Variants in UBE2W observed in about 807,000 individuals in gnomAD.
UBE2W encodes the protein ubiquitin conjugating enzyme E2 W, also known as ubiquitin-conjugating enzyme E2 W.
UBE2W carries 18 observed loss-of-function variants against 27.2 expected under a neutral mutation model. The observed-to-expected ratio is 0.66, with a 90% CI of 0.46 to 0.98. UBE2W has a LOEUF of 0.98. Ranked by LOEUF, UBE2W falls within the 50% of genes least tolerant of loss-of-function variation. The probability of loss-of-function intolerance (pLI) is 0.00; values close to 1 mark genes in which losing one functional copy is unlikely to be tolerated. For missense variants in UBE2W, 90 were observed against 180.2 expected, an observed-to-expected ratio of 0.50 and a Z score of 2.87; for synonymous variants, 53 against 57.2, an observed-to-expected ratio of 0.93 and a Z score of 0.33.
intron 5 of UBE2W, among the ~76,000 whole-genome samples, chr8:73,804,419 TA>T (rs1450078982): frequency 6.6e-6 from 1 of 152,078 alleles, no homozygotes; most frequent in Non-Finnish European, 1.5e-5. Flanking sequence ...TAATTTCAAA[TA>T]ACTCTTCAGG....
chr8:73,814,847 T>C (rs1809322547), intron 3 of UBE2W, among the ~76,000 whole-genome samples: 1 of 152,210 alleles, frequency 6.6e-6, no homozygotes, highest in South Asian at 2.1e-4. Context: ...TATTACTACC[T>C]TTCCAAACAT....
At chr8:73,813,083 C>CAAA (rs56094830) in intron 3 of UBE2W, among the ~76,000 whole-genome samples, 723 of 43,458 alleles carry the variant, frequency 0.017, 175 homozygotes, top group African/African-American at 0.048. Context: ...GAAAGTGCCA[C>CAAA]AAAAAAAAAA....
chr8:73,831,305 C>CT (rs1810053997), intron 1 of UBE2W: 2 of 199,664 alleles, frequency 1.0e-5, no homozygotes, highest in South Asian at 1.0e-4. Context: ...GTAAAGATTT[C>CT]TTTTTTTAAT....
chr8:73,816,121 C>G (rs2130883335), intron 3 of UBE2W, among the ~76,000 whole-genome samples: 1 of 152,328 alleles, frequency 6.6e-6, no homozygotes, highest in South Asian at 2.1e-4. Context: ...CCCTGATACT[C>G]TGTAATAACG....
chr8:73,843,304 T>C (rs1810623681), intron 1 of UBE2W, among the ~76,000 whole-genome samples: 1 of 152,128 alleles, frequency 6.6e-6, no homozygotes, highest in Admixed American at 6.6e-5. Context: ...AGTGTAGAAA[T>C]GGGACTATTT....
chr8:73,786,032 C>T (rs57470108), downstream of UBE2W, among the ~76,000 whole-genome samples: 28 of 152,292 alleles, frequency 1.8e-4, no homozygotes, highest in African/African-American at 6.5e-4. Context: ...ATCTGCCATC[C>T]TTCTTGGCAT....
At chr8:73,803,016 C>T (rs545888771) in intron 5 of UBE2W, among the ~76,000 whole-genome samples, 1 of 149,222 alleles carries the variant, frequency 6.7e-6, no homozygotes, top group Admixed American at 6.7e-5. Context: ...AGCAAGACTC[C>T]GTCTCAAAAT....
intron 1 of UBE2W, among the ~76,000 whole-genome samples, chr8:73,855,203 C>A (rs1054196239): frequency 6.6e-6 from 1 of 152,066 alleles, no homozygotes; most frequent in African/African-American, 2.4e-5. Flanking sequence ...ATGAAAAATA[C>A]ACCAGAATAG....
downstream of UBE2W, among the ~76,000 whole-genome samples, chr8:73,784,912 C>G (rs2130826963): frequency 6.6e-6 from 1 of 152,254 alleles, no homozygotes; most frequent in South Asian, 2.1e-4. Flanking sequence ...AAAAGCAACT[C>G]TTAGTTGCTG....
chr8:73,830,028 C>A (rs1184009238), intron 2 of UBE2W, among the ~76,000 whole-genome samples: 3 of 152,012 alleles, frequency 2.0e-5, no homozygotes, highest in African/African-American at 7.2e-5. Context: ...TCTTCATATG[C>A]CTAAATAGAT....
chr8:73,851,961 TTTAA>T (rs1484132062), intron 1 of UBE2W, among the ~76,000 whole-genome samples: 1 of 143,668 alleles, frequency 7.0e-6, no homozygotes, highest in African/African-American at 2.6e-5. Flanking sequence ...TTTTTTTTTT[TTTAA>T]AAAAAAAAAA....
At chr8:73,827,315 G>T (rs1353514611) in intron 2 of UBE2W, among the ~76,000 whole-genome samples, 1 of 152,132 alleles carries the variant, frequency 6.6e-6, no homozygotes. Context: ...CTGGGTTCAA[G>T]TGATTCTCCT....
intron 1 of UBE2W, among the ~76,000 whole-genome samples, chr8:73,859,406 T>A (rs558746319): frequency 2.6e-5 from 4 of 152,284 alleles, no homozygotes; most frequent in African/African-American, 9.6e-5. Flanking sequence ...CTGGGGAGGC[T>A]GAAGCAGGAG....
Position 73,861,259 on chromosome 8 carries a change from C to A in UBE2W, c.15+17549G>T, listed in dbSNP as rs572437264. ...CCATAAGGACAAGAGAGATATAAGC[C>A]CAGGGGCCAGCGTCAAACAACTTGA... On this transcript the variant is annotated intron_variant, in intron 1 of 5. Coordinates refer to ENST00000602593, the MANE Select transcript of UBE2W (RefSeq NM_018299.6). Among the ~76,000 whole-genome samples the A allele has an allele frequency of 2.6e-4, 40 of 152,114 alleles. No homozygotes were observed. The South Asian group carries it at 7.3e-3, about 28-fold the overall frequency.
chr8:73,827,235 C>T (rs1263980982), intron 2 of UBE2W, among the ~76,000 whole-genome samples: 1 of 151,704 alleles, frequency 6.6e-6, no homozygotes, highest in African/African-American at 2.4e-5. Flanking sequence ...TTTTTTGGTA[C>T]AGAGTTTTGC....
At position 73,814,767 on chromosome 8, in the gene UBE2W, G is replaced by A. The variant is rs548206218; in HGVS notation, c.211-4138C>T. ...AAACTCCTGACCTTGTGATCCGCCC[G>A]CCTCGGCTTCCCAGAGTGCTGGGAT... On this transcript the variant is annotated intron_variant, in intron 3 of 5. Coordinates refer to ENST00000602593, the MANE Select transcript of UBE2W (RefSeq NM_018299.6). Among the ~76,000 whole-genome samples, 5 of 152,274 alleles carry A rather than the reference G, an allele frequency of 3.3e-5. No individual in the cohort carries two copies. In the South Asian group the frequency reaches 6.2e-4, roughly 19 times the overall value.
chr8:73,834,617 C>G (rs946282402), intron 1 of UBE2W, among the ~76,000 whole-genome samples: 4 of 151,946 alleles, frequency 2.6e-5, no homozygotes, highest in African/African-American at 9.7e-5. Context: ...TCTCTAATAA[C>G]ATTAAACAAG....
rs181780382 is a variant in UBE2W at position 73,874,203 on chromosome 8, G to A, written c.15+4605C>T. On this transcript the variant is annotated intron_variant, in intron 1 of 5. Transcript: ENST00000602593. ...TCCCAGCACTTTGGGAGGCCGAGGC[G>A]GGCGGATCACGAGGTCAGGAGATGG... 7.8e-4 allele frequency among the ~76,000 whole-genome samples: 119 copies of A among 151,954 alleles called. 2 individuals are homozygous for A. In the East Asian group the frequency reaches 0.02, roughly 25 times the overall value.
intron 1 of UBE2W, among the ~76,000 whole-genome samples, chr8:73,865,180 C>CA (rs11354153): frequency 0.022 from 713 of 32,844 alleles, 134 homozygotes; most frequent in East Asian, 0.11. Flanking sequence ...GTGCAAACGT[C>CA]AAAAAAAAAA....
Sources: allele counts gnomAD v4.1 joint callset (sites outside exome capture counted in the v4.1 genomes callset), GRCh38; gene constraint gnomAD v4.1.1; transcripts MANE v1.5; gene names NCBI Gene and HGNC (gene_info 2026-07-23, HGNC 2026-07-21).